Variants in SCARA5 observed in about 807,000 individuals in gnomAD.
The protein encoded by SCARA5 is scavenger receptor class A, member 5 (putative).
A neutral mutation model predicts 46.3 loss-of-function variants in SCARA5; 45 were observed. The observed-to-expected ratio is 0.97, with a 90% CI of 0.76 to 1.24. SCARA5 has a LOEUF of 1.24. SCARA5 is among the 50% of genes most tolerant of loss of function. SCARA5 has a pLI of 0.00. For synonymous variants in SCARA5, 333 were observed against 306.5 expected, an observed-to-expected ratio of 1.09 and a Z score of -0.90; for missense variants, 680 against 689.0, an observed-to-expected ratio of 0.99 and a Z score of 0.15.
chr8:27,918,832 A>T (rs1462243986), intron 4 of SCARA5, among the ~76,000 whole-genome samples: 1 of 134,872 alleles, frequency 7.4e-6, no homozygotes, highest in Non-Finnish European at 1.6e-5. Flanking sequence ...ATAAGGAAGA[A>T]AGGGAAGAGG....
chr8:27,911,397 A>G (rs1807373103), intron 4 of SCARA5, among the ~76,000 whole-genome samples: 2 of 152,212 alleles, frequency 1.3e-5, no homozygotes, highest in Non-Finnish European at 2.9e-5. Flanking sequence ...TTCAAGAGAA[A>G]ACAAGGACCA....
chr8:27,871,967 G>A lies in SCARA5; in HGVS notation c.1455C>T (p.Ala485=), dbSNP rs760406283. The A allele has an allele frequency of 1.4e-5, 23 of 1,614,058 alleles. No homozygotes were observed. The highest frequency in any genetic ancestry group is 5.3e-5 in the African/African-American group (4 of 74,910). Residue 485 remains alanine, a synonymous_variant, in exon 9 of 9, where the codon GCC becomes GCT. Coordinates refer to ENST00000354914, the MANE Select transcript of SCARA5 (RefSeq NM_173833.6). Reference sequence around the variant, plus strand: ...TGTTGCATGTCACGCTGGCATCTTCGGCATGTCCACAGTTTGTCACCCCCC... The same window carrying A: ...TGTTGCATGTCACGCTGGCATCTTCAGCATGTCCACAGTTTGTCACCCCCC... ...SKWGVTNCGH[A]EDASVTCNRH is the part of the protein sequence containing the mutation.
chr8:27,871,758 T>C lies in SCARA5; in HGVS notation c.*176A>G. ...TCCCAGAGTTATACTTCGGAGCACATGTTCAAGAGGGAAATGACGACCGGC... is the reference window on the plus strand; with the variant it reads ...TCCCAGAGTTATACTTCGGAGCACACGTTCAAGAGGGAAATGACGACCGGC... On this transcript the variant is annotated 3_prime_UTR_variant, in exon 9 of 9. Coordinates refer to ENST00000354914, the MANE Select transcript of SCARA5 (RefSeq NM_173833.6). 18 of 1,443,384 alleles carry C rather than the reference T, an allele frequency of 1.2e-5. No individual in the cohort carries two copies. Among genetic ancestry groups the C allele is most frequent in the South Asian group, 1.5e-5 (1 of 68,562 alleles). The allele number at this position is 1,443,384 out of a possible 1,614,324, so 89.4% of individuals were successfully genotyped here.
chr8:27,877,434 GTC>G (rs1806742993), intron 8 of SCARA5, among the ~76,000 whole-genome samples: 1 of 152,200 alleles, frequency 6.6e-6, no homozygotes, highest in South Asian at 2.1e-4. Context: ...AGAAGCCACA[GTC>G]TACAGGATCG....
chr8:27,971,281 G>A (rs887715718), intron 2 of SCARA5, among the ~76,000 whole-genome samples: 1 of 152,248 alleles, frequency 6.6e-6, no homozygotes, highest in African/African-American at 2.4e-5. Flanking sequence ...GATGCACTCG[G>A]TGCCAGAGGT....
intron 2 of SCARA5, among the ~76,000 whole-genome samples, chr8:27,966,899 CAT>C (rs1808377900): frequency 6.6e-6 from 1 of 152,182 alleles, no homozygotes; most frequent in Non-Finnish European, 1.5e-5. Context: ...ATCCAGGGAA[CAT>C]AAAGAGAAAT....
chr8:27,931,028 C>G (rs1401184395), intron 3 of SCARA5, among the ~76,000 whole-genome samples: 1 of 152,210 alleles, frequency 6.6e-6, no homozygotes, highest in East Asian at 1.9e-4. Context: ...GCAGGCAAAA[C>G]TGGGTTGCAT....
At chr8:27,914,195 T>C (rs946067221) in intron 4 of SCARA5, among the ~76,000 whole-genome samples, 1 of 152,234 alleles carries the variant, frequency 6.6e-6, no homozygotes, top group Non-Finnish European at 1.5e-5. Flanking sequence ...CCTTTGCTCC[T>C]CCTTCACCTC....
chr8:27,939,994 A>C (rs1807917395), intron 3 of SCARA5, among the ~76,000 whole-genome samples: 1 of 152,244 alleles, frequency 6.6e-6, no homozygotes, highest in South Asian at 2.1e-4. Flanking sequence ...TCCTGGCCAC[A>C]GTCCCATGAG....
chr8:27,955,833 G>C lies in SCARA5; in HGVS notation c.241+10581C>G, dbSNP rs531988760. Reference sequence around the variant, plus strand: ...AACATTGGCAACTCTATGTGTCGACGACTGGAGGGGTGCAGGTCAGGGTGC... The same window carrying C: ...AACATTGGCAACTCTATGTGTCGACCACTGGAGGGGTGCAGGTCAGGGTGC... On this transcript the variant is annotated intron_variant, in intron 3 of 8. Coordinates refer to ENST00000354914, the MANE Select transcript of SCARA5 (RefSeq NM_173833.6). 1.4e-4 allele frequency among the ~76,000 whole-genome samples: 21 copies of C among 152,268 alleles called. No individual in the cohort carries two copies. In the South Asian group the frequency reaches 1.7e-3, roughly 12 times the overall value.
At chr8:27,951,851 A>G (rs761004388) in intron 3 of SCARA5, among the ~76,000 whole-genome samples, 6 of 152,222 alleles carry the variant, frequency 3.9e-5, no homozygotes, top group Non-Finnish European at 8.8e-5. Flanking sequence ...TTCCAGTCCC[A>G]GGTCCTCAGA....
At chr8:27,940,063 A>C (rs960372325) in intron 3 of SCARA5, among the ~76,000 whole-genome samples, 1 of 152,164 alleles carries the variant, frequency 6.6e-6, no homozygotes, top group South Asian at 2.1e-4. Context: ...ATCTTTCTGG[A>C]CAATTTGTTC....
chr8:27,890,137 C>A (rs1188531903), intron 7 of SCARA5, among the ~76,000 whole-genome samples: 1 of 152,182 alleles, frequency 6.6e-6, no homozygotes, highest in South Asian at 2.1e-4. Context: ...ATAAGAAAGA[C>A]CACAGAATGT....
chr8:27,954,882 T>C (rs1469945811), intron 3 of SCARA5, among the ~76,000 whole-genome samples: 2 of 152,214 alleles, frequency 1.3e-5, no homozygotes, highest in African/African-American at 4.8e-5. Flanking sequence ...CCCGGAAAGA[T>C]GCCATTTTTC....
chr8:27,904,600 G>A (rs1585476804), intron 7 of SCARA5, 178 bp downstream of exon 7: 4 of 700,614 alleles, frequency 5.7e-6, no homozygotes, highest in East Asian at 4.9e-5. Context: ...GTGCCCCTGG[G>A]GTCTATCAGC....
intron 3 of SCARA5, among the ~76,000 whole-genome samples, chr8:27,949,790 C>T (rs1808095322): frequency 6.6e-6 from 1 of 152,218 alleles, no homozygotes; most frequent in Non-Finnish European, 1.5e-5. Flanking sequence ...CTACAGCCTG[C>T]CCGGGTGCAG....
intron 6 of SCARA5, among the ~76,000 whole-genome samples, chr8:27,906,040 G>A (rs1011003884): frequency 1.3e-5 from 2 of 152,162 alleles, no homozygotes; most frequent in Non-Finnish European, 2.9e-5. Context: ...AGCATGTGCT[G>A]CTTTTACAAT....
rs116049262 is a variant in SCARA5, at chr8:27,918,577, A to G, written c.916+2994T>C. Among the ~76,000 whole-genome samples the G allele has an allele frequency of 4.8e-3, 711 of 149,410 alleles. 11 individuals are homozygous for G. The highest frequency in any genetic ancestry group is 0.017 in the African/African-American group (678 of 40,652). ...AGGAGGAGAAAAAGAAGGAAGACAAAGAGGAGAAGGAAGAAGAGGAGGAGA... is the reference window on the plus strand; with the variant it reads ...AGGAGGAGAAAAAGAAGGAAGACAAGGAGGAGAAGGAAGAAGAGGAGGAGA... On this transcript the variant is annotated intron_variant, in intron 4 of 8. Coordinates refer to ENST00000354914, the MANE Select transcript of SCARA5 (RefSeq NM_173833.6).
intron 3 of SCARA5, among the ~76,000 whole-genome samples, chr8:27,960,831 G>A (rs1563539106): frequency 8.6e-6 from 1 of 116,670 alleles, no homozygotes; most frequent in African/African-American, 2.9e-5. Flanking sequence ...TTGTGATCAT[G>A]TTAAAAAAAC....
Sources: allele counts gnomAD v4.1 joint callset (sites outside exome capture counted in the v4.1 genomes callset), GRCh38; gene constraint gnomAD v4.1.1; transcripts MANE v1.5; gene names NCBI Gene and HGNC (gene_info 2026-07-23, HGNC 2026-07-21).